Variants in CNGB3 observed in about 807,000 individuals in gnomAD.
CNGB3 encodes cyclic nucleotide gated channel subunit beta 3.
CNGB3 carries 86 observed loss-of-function variants against 92.8 expected under a neutral mutation model. That is an observed-to-expected ratio of 0.93 (90% confidence interval 0.78 to 1.11). The LOEUF is 1.11. Among genes scored for constraint, CNGB3 ranks in the 50% least tolerant of loss-of-function variants. The probability of loss-of-function intolerance (pLI) is 0.00; values close to 1 mark genes in which losing one functional copy is unlikely to be tolerated. For synonymous variants in CNGB3, 333 were observed against 332.7 expected (o/e 1.00, Z -0.01); for missense variants, 1,026 against 956.8 (o/e 1.07, Z -0.95).
chr8:86,658,646 G>A, intron 6 of CNGB3: 1 of 342,386 alleles, frequency 2.9e-6, no homozygotes, highest in Non-Finnish European at 5.5e-6. Context: ...GAGCCTCTTG[G>A]CTCTTCAGCT....
chr8:86,669,931 A>C (rs1823821898), intron 4 of CNGB3, among the ~76,000 whole-genome samples: 1 of 151,796 alleles, frequency 6.6e-6, no homozygotes, highest in African/African-American at 2.4e-5. Context: ...GCTCACTGCA[A>C]CCTCTGCCTC....
At chr8:86,659,882 C>A in intron 6 of CNGB3, 1 of 424,228 alleles carries the variant, frequency 2.4e-6, no homozygotes, top group Non-Finnish European at 4.7e-6. Context: ...ATGCAGGGCC[C>A]TCCCCATTGA....
chr8:86,710,793 G>A (rs917347391), intron 3 of CNGB3, among the ~76,000 whole-genome samples: 9 of 152,128 alleles, frequency 5.9e-5, no homozygotes, highest in Non-Finnish European at 1.3e-4. Context: ...GGAAGGAAAT[G>A]CAATAAAGTT....
At chr8:86,671,463 C>T (rs780622626) in intron 3 of CNGB3, among the ~76,000 whole-genome samples, 1 of 152,090 alleles carries the variant, frequency 6.6e-6, no homozygotes, top group Non-Finnish European at 1.5e-5. Flanking sequence ...CTGCATAATC[C>T]CAGGGACAAT....
intron 6 of CNGB3, among the ~76,000 whole-genome samples, chr8:86,662,643 C>G (rs1339724266): frequency 1.3e-5 from 2 of 152,250 alleles, no homozygotes; most frequent in East Asian, 1.9e-4. Flanking sequence ...TGAGGTGGAG[C>G]CTTGGAAAGT....
Position 86,611,624 on chromosome 8 carries a change from G to A in CNGB3, c.1626C>T (p.Ser542=), listed in dbSNP as rs35903042. 2,154 of 1,613,246 alleles carry A rather than the reference G, an allele frequency of 1.3e-3. 19 individuals are homozygous for A. The African/African-American group carries it at 0.026, about 19-fold the overall frequency. ...CAAAGTCACCAGGCAAATAGAGAACGGATTTCAATCTTAGCAACATGTCAT... is the reference window on the plus strand; with the variant it reads ...CAAAGTCACCAGGCAAATAGAGAACAGATTTCAATCTTAGCAACATGTCAT... ...MIYDMLLRLK[S]VLYLPGDFVC... is the part of the protein sequence containing the mutation. The change falls in exon 14 of 18, where the codon TCC becomes TCT. Residue 542 remains serine (S), a synonymous_variant. Transcript: ENST00000320005.
At chr8:86,610,611 GAA>G (rs1423017578) in intron 14 of CNGB3, among the ~76,000 whole-genome samples, 12 of 152,128 alleles carry the variant, frequency 7.9e-5, no homozygotes, top group Admixed American at 2.6e-4. Flanking sequence ...ACATTATTTT[GAA>G]ATGATAAAAG....
At chr8:86,641,361 T>C (rs1223013970) in intron 10 of CNGB3, among the ~76,000 whole-genome samples, 1 of 152,052 alleles carries the variant, frequency 6.6e-6, no homozygotes, top group African/African-American at 2.4e-5. Flanking sequence ...ATGCAGTAGC[T>C]ATTTTTTTAT....
At chr8:86,640,268 C>A (rs991161129) in intron 10 of CNGB3, among the ~76,000 whole-genome samples, 2 of 151,926 alleles carry the variant, frequency 1.3e-5, no homozygotes, top group Non-Finnish European at 2.9e-5. Context: ...ATTGGAATAT[C>A]TTGATGGTAG....
In CNGB3 at chr8:86,604,075, G is replaced by A; in HGVS notation, c.1781+18C>T. The A allele has an allele frequency of 3.4e-6, 5 of 1,456,672 alleles. No individual in the cohort carries two copies. Among genetic ancestry groups the A allele is most frequent in the Non-Finnish European group, 4.8e-6 (5 of 1,036,746 alleles). The allele number at this position is 1,456,672 out of a possible 1,614,324, so 90.2% of individuals were successfully genotyped here. A position where few individuals can be genotyped will look rare whatever the true frequency, so the allele number is the denominator to read the frequency against. ...ACAAATGATGGACTTCAATATTTAT[G>A]AAGTATCTTTCAGATACCTGATTTC... On this transcript the variant is annotated intron_variant, in intron 15 of 17. Coordinates refer to ENST00000320005, the MANE Select transcript of CNGB3 (RefSeq NM_019098.5).
At chr8:86,592,231 C>A (rs1822061616) in intron 15 of CNGB3, among the ~76,000 whole-genome samples, 1 of 152,218 alleles carries the variant, frequency 6.6e-6, no homozygotes, top group African/African-American at 2.4e-5. Flanking sequence ...CTGACCTGTG[C>A]CCACTGTCTG....
chr8:86,622,753 C>G (rs2131577864), intron 13 of CNGB3, among the ~76,000 whole-genome samples: 1 of 152,330 alleles, frequency 6.6e-6, no homozygotes, highest in Admixed American at 6.5e-5. Flanking sequence ...TGGAATTTTA[C>G]TTTTATGCTT....
intron 3 of CNGB3, among the ~76,000 whole-genome samples, chr8:86,707,386 G>A (rs1256347760): frequency 1.3e-5 from 2 of 152,178 alleles, no homozygotes; most frequent in African/African-American, 4.8e-5. Context: ...AAAGGTATTG[G>A]TATTTTCTAC....
In CNGB3 at chr8:86,739,718, C is replaced by G. The variant is rs1383352007; in HGVS notation, c.148G>C (p.Glu50Gln). The change falls in exon 2 of 18, where the codon GAG (glutamate) becomes CAG (glutamine). Residue 50 changes from glutamate to glutamine, a missense_variant. Coordinates refer to ENST00000320005, the MANE Select transcript of CNGB3 (RefSeq NM_019098.5). ...TTAQEENKGE[E>Q]KSLKTKSTPV... ...GTTGACTTGGTTTTGAGAGATTTCT[C>G]TTCACCTTTGTTTTCTTCCTTTGAG... The G allele has an allele frequency of 1.2e-6, 2 of 1,604,224 alleles. No homozygotes were observed. The highest frequency in any genetic ancestry group is 1.7e-6 in the Non-Finnish European group (2 of 1,176,660).
Position 86,726,570 on chromosome 8 carries a change from TC to T in CNGB3, c.298del (p.Glu100SerfsTer25), listed in dbSNP as rs1358283016. On this transcript the variant is annotated frameshift_variant, in exon 3 of 18. Coordinates refer to ENST00000320005, the MANE Select transcript of CNGB3 (RefSeq NM_019098.5). LOFTEE classifies it high-confidence loss of function. Reference protein sequence around the residue: ...NAAEPTGTVPEQKEMDPGKEG... With the variant: ...NAAEPTGTVPXQKEMDPGKEG... ...TTTCCCGGGGTCCATTTCCTTCTGC[TC>T]TGGCACTGTTCCAGTTGGTTCTGCT... 2 of 1,613,832 alleles carry T rather than the reference TC, an allele frequency of 1.2e-6. No homozygotes were observed. The highest frequency in any genetic ancestry group is 1.7e-6 in the Non-Finnish European group (2 of 1,179,834).
intron 15 of CNGB3, among the ~76,000 whole-genome samples, chr8:86,601,568 AGT>A (rs1822302392): frequency 6.6e-6 from 1 of 151,856 alleles, no homozygotes; most frequent in Non-Finnish European, 1.5e-5. Context: ...GCTACATGAT[AGT>A]GCTGGATTTA....
At chr8:86,733,352 A>C (rs544310816) in intron 2 of CNGB3, among the ~76,000 whole-genome samples, 2 of 152,272 alleles carry the variant, frequency 1.3e-5, no homozygotes, top group South Asian at 4.1e-4. Context: ...GTTGATGGGC[A>C]CTCAGGTTGA....
At chr8:86,589,118 A>T (rs902855058) in intron 15 of CNGB3, among the ~76,000 whole-genome samples, 1 of 151,056 alleles carries the variant, frequency 6.6e-6, no homozygotes, top group Non-Finnish European at 1.5e-5. Flanking sequence ...TTTCTAGTTT[A>T]TTTGCGTAGA....
chr8:86,647,008 A>T (rs530527090), intron 8 of CNGB3, among the ~76,000 whole-genome samples: 217 of 151,056 alleles, frequency 1.4e-3, no homozygotes, highest in African/African-American at 5.1e-3. Flanking sequence ...CACTTTGATG[A>T]GTTTCTTTTT....
Sources: allele counts gnomAD v4.1 joint callset (sites outside exome capture counted in the v4.1 genomes callset), GRCh38; gene constraint gnomAD v4.1.1; transcripts MANE v1.5; gene names NCBI Gene and HGNC (gene_info 2026-07-23, HGNC 2026-07-21).